PEPD: variants seen among roughly 807,000 people sequenced by gnomAD.
PEPD encodes the protein peptidase D.
In PEPD, 53 loss-of-function variants were observed where a neutral mutation model predicts 60.7. The ratio of observed to expected loss-of-function variants is 0.87; its 90% CI spans 0.70 to 1.10. The LOEUF (loss-of-function observed/expected upper bound fraction) is 1.10, where lower values mean the gene tolerates loss of function less well. Ranked by LOEUF, PEPD falls within the 50% of genes least tolerant of loss-of-function variation. The pLI, the probability that PEPD is intolerant of heterozygous loss-of-function variation, is 0.00. For missense variants in PEPD, 711 were observed against 711.9 expected (o/e 1.00, Z 0.01); for synonymous variants, 267 against 284.1 (o/e 0.94, Z 0.60).
chr19:33,397,520 C>A (rs189614157), intron 12 of PEPD, among the ~76,000 whole-genome samples: 1 of 151,802 alleles, frequency 6.6e-6, no homozygotes, highest in Non-Finnish European at 1.5e-5. Flanking sequence ...GCCTGCCCCA[C>A]GGGCCTTCAC....
chr19:33,512,876 T>C, intron 1 of PEPD, 100 bp from the exon 2 acceptor site: 3 of 1,356,054 alleles, frequency 2.2e-6, no homozygotes, highest in Non-Finnish European at 3.2e-6. Flanking sequence ...GAGCCTGCCG[T>C]GGGACCCCCA....
intron 5 of PEPD, among the ~76,000 whole-genome samples, chr19:33,492,336 C>A (rs979594020): frequency 2.0e-5 from 3 of 152,128 alleles, no homozygotes; most frequent in South Asian, 2.1e-4. Context: ...GTTTTCAGAC[C>A]CCTTTAACAG....
chr19:33,445,588 TAGCAG>T (rs1224669845), intron 9 of PEPD, among the ~76,000 whole-genome samples: 1 of 151,900 alleles, frequency 6.6e-6, no homozygotes, highest in Non-Finnish European at 1.5e-5. Flanking sequence ...CCTCAGAGAG[TAGCAG>T]CCCTGCCGAT....
At chr19:33,486,869 G>C (rs1041046825) in intron 6 of PEPD, 2 of 152,290 alleles carry the variant, frequency 1.3e-5, no homozygotes, top group African/African-American at 4.9e-5. Flanking sequence ...AGGGGAGCTG[G>C]GGGGGCCCAT....
At chr19:33,472,235 G>T (rs1416314453) in intron 7 of PEPD, among the ~76,000 whole-genome samples, 3 of 152,110 alleles carry the variant, frequency 2.0e-5, no homozygotes, top group Non-Finnish European at 4.4e-5. Context: ...GGCTGAGGCG[G>T]GAGGATGACC....
At chr19:33,390,217 A>G (rs1034104054) in intron 13 of PEPD, among the ~76,000 whole-genome samples, 4 of 152,218 alleles carry the variant, frequency 2.6e-5, no homozygotes, top group African/African-American at 7.2e-5. Context: ...AGATGAAAAC[A>G]GTTTGCTGCC....
chr19:33,412,536 T>G (rs1202683862), intron 10 of PEPD, among the ~76,000 whole-genome samples: 3 of 152,158 alleles, frequency 2.0e-5, no homozygotes, highest in Non-Finnish European at 4.4e-5. Flanking sequence ...CTCGCTCCTC[T>G]GCCTGAGAAG....
intron 12 of PEPD, among the ~76,000 whole-genome samples, chr19:33,396,370 G>A (rs193081773): frequency 6.1e-4 from 93 of 152,128 alleles, no homozygotes; most frequent in African/African-American, 2.1e-3. Flanking sequence ...GGCCGGGGCA[G>A]GTGCTGCTGG....
At chr19:33,463,853 T>A in intron 8 of PEPD, 134 bp downstream of exon 8, 2 of 714,024 alleles carry the variant, frequency 2.8e-6, no homozygotes. Context: ...GAACAATCAC[T>A]GTGTAAAACT....
chr19:33,475,817 C>T (rs992327442), intron 7 of PEPD, among the ~76,000 whole-genome samples: 1 of 152,138 alleles, frequency 6.6e-6, no homozygotes, highest in Non-Finnish European at 1.5e-5. Flanking sequence ...GGTTTCTCTT[C>T]AGATCCTATG....
chr19:33,426,730 A>T (rs2063639269), intron 9 of PEPD, among the ~76,000 whole-genome samples: 1 of 151,354 alleles, frequency 6.6e-6, no homozygotes, highest in South Asian at 2.1e-4. Context: ...AACCAGGAGG[A>T]GCTGGGTCAC....
At chr19:33,507,990 C>T (rs1459610031) in intron 3 of PEPD, among the ~76,000 whole-genome samples, 1 of 152,080 alleles carries the variant, frequency 6.6e-6, no homozygotes, top group African/African-American at 2.4e-5. Context: ...CCTGATCTGA[C>T]CTGCCCAGCA....
intron 4 of PEPD, among the ~76,000 whole-genome samples, chr19:33,493,719 G>A (rs1970543781): frequency 6.6e-6 from 1 of 151,986 alleles, no homozygotes; most frequent in Non-Finnish European, 1.5e-5. Context: ...TTAGGCTCCA[G>A]GCCTACCAGC....
chr19:33,432,947 C>T (rs113160575), intron 9 of PEPD, among the ~76,000 whole-genome samples: 4,579 of 152,350 alleles, frequency 0.03, 139 homozygotes, highest in African/African-American at 0.067. Context: ...GCTATAGCAG[C>T]TAGCGGGTGT....
intron 4 of PEPD, among the ~76,000 whole-genome samples, chr19:33,496,782 G>C (rs529301991): frequency 6.6e-6 from 1 of 152,222 alleles, no homozygotes; most frequent in South Asian, 2.1e-4. Context: ...GGATGGTCAC[G>C]GGCAGAATTC....
chr19:33,518,138 G>C (rs1238454470), intron 1 of PEPD, among the ~76,000 whole-genome samples: 1 of 152,156 alleles, frequency 6.6e-6, no homozygotes, highest in Non-Finnish European at 1.5e-5. Context: ...AGGCTGGAGA[G>C]GGTTGCCACG....
chr19:33,521,555 G>A, intron 1 of PEPD, among the ~76,000 whole-genome samples, 189 bp downstream of exon 1: 1 of 152,210 alleles, frequency 6.6e-6, no homozygotes, highest in Non-Finnish European at 1.5e-5. Context: ...GAGGAGCTGC[G>A]GCCCCCGCGC....
At chr19:33,427,709 G>A (rs1404443582) in intron 9 of PEPD, among the ~76,000 whole-genome samples, 1 of 149,910 alleles carries the variant, frequency 6.7e-6, no homozygotes, top group Non-Finnish European at 1.5e-5. Flanking sequence ...TTGGCTTCTG[G>A]ATATATTCAA....
chr19:33,453,088 G>A lies in PEPD; in HGVS notation c.671+9907C>T, dbSNP rs139990642. On this transcript the variant is annotated intron_variant, in intron 9 of 14. Coordinates refer to ENST00000244137, the MANE Select transcript of PEPD (RefSeq NM_000285.4). ...TATAATCCCGGCACTTCGGGAGGCC[G>A]TGGCAGGAGGATCGCTTGAGTCCAG... Among the ~76,000 whole-genome samples the A allele has an allele frequency of 5.2e-3, 793 of 152,288 alleles. 7 individuals carry two copies. The highest frequency in any genetic ancestry group is 6.4e-3 in the Non-Finnish European group (437 of 68,036).
Sources: allele counts gnomAD v4.1 joint callset (sites outside exome capture counted in the v4.1 genomes callset), GRCh38; gene constraint gnomAD v4.1.1; transcripts MANE v1.5; gene names NCBI Gene and HGNC (gene_info 2026-07-23, HGNC 2026-07-21).